EBF1: variants seen among roughly 807,000 people sequenced by gnomAD.
EBF1 encodes EBF transcription factor 1.
EBF1 carries 10 observed loss-of-function variants against 68.4 expected under a neutral mutation model. The ratio of observed to expected loss-of-function variants is 0.15; its 90% CI spans 0.09 to 0.25. The LOEUF (loss-of-function observed/expected upper bound fraction) is 0.25. Ranked by LOEUF, EBF1 falls within the 10% of genes least tolerant of loss-of-function variation. The pLI is 1.00. For synonymous variants in EBF1, 298 were observed against 299.8 expected (o/e 0.99, Z 0.06); for missense variants, 509 against 794.4 (o/e 0.64, Z 4.32).
chr5:158,994,810 G>A (rs1006907575), intron 6 of EBF1, among the ~76,000 whole-genome samples: 4 of 152,166 alleles, frequency 2.6e-5, no homozygotes, highest in Admixed American at 6.5e-5. Context: ...AAAATTCATG[G>A]ATGACTTTTT....
chr5:158,942,458 G>GA (rs200153356), intron 6 of EBF1, among the ~76,000 whole-genome samples: 1 of 152,204 alleles, frequency 6.6e-6, no homozygotes, highest in African/African-American at 2.4e-5. Flanking sequence ...AACCCCATAG[G>GA]AAAAAAACAT....
intron 7 of EBF1, among the ~76,000 whole-genome samples, chr5:158,838,490 C>T (rs987129585): frequency 4.6e-5 from 7 of 151,784 alleles, no homozygotes; most frequent in Non-Finnish European, 7.4e-5. Context: ...GAAACATCCC[C>T]ATTCCTGTGT....
intron 8 of EBF1, among the ~76,000 whole-genome samples, chr5:158,805,959 GT>G (rs1034670150): frequency 6.7e-6 from 1 of 149,578 alleles, no homozygotes; most frequent in East Asian, 1.9e-4. Context: ...AAGGAGGCAT[GT>G]TTTTTTTTGC....
At chr5:158,875,478 C>T (rs144557960) in intron 6 of EBF1, among the ~76,000 whole-genome samples, 1 of 152,284 alleles carries the variant, frequency 6.6e-6, no homozygotes, top group East Asian at 1.9e-4. Flanking sequence ...TCTAATTAGT[C>T]CTTGAGGAAT....
intron 6 of EBF1, among the ~76,000 whole-genome samples, chr5:158,882,777 T>C (rs1344721144): frequency 6.6e-6 from 1 of 152,232 alleles, no homozygotes; most frequent in Non-Finnish European, 1.5e-5. Flanking sequence ...CACAGGGATA[T>C]TCATGGAGCA....
chr5:158,745,452 A>C (rs1227759291), intron 10 of EBF1, among the ~76,000 whole-genome samples: 1 of 152,198 alleles, frequency 6.6e-6, no homozygotes, highest in Admixed American at 6.5e-5. Flanking sequence ...AGCAAGGAAA[A>C]GGTTTGAACC....
Position 158,945,299 on chromosome 5 carries a change from G to C in EBF1, c.555-105189C>G, listed in dbSNP as rs1814406467. 2.0e-5 allele frequency among the ~76,000 whole-genome samples: 3 copies of C among 152,212 alleles called. No homozygotes were observed. The South Asian group carries it at 6.2e-4, about 32-fold the overall frequency. On this transcript the variant is annotated intron_variant, in intron 6 of 15. Coordinates refer to ENST00000313708, the MANE Select transcript of EBF1 (RefSeq NM_024007.5). Reference sequence around the variant, plus strand: ...TCAGTTTTCTGCATACAGCTGGACAGTTTTCCCAACGCCATTTATTAAATA... The same window carrying C: ...TCAGTTTTCTGCATACAGCTGGACACTTTTCCCAACGCCATTTATTAAATA...
chr5:159,024,344 C>G (rs1290056186), intron 6 of EBF1, among the ~76,000 whole-genome samples: 1 of 152,204 alleles, frequency 6.6e-6, no homozygotes, highest in Admixed American at 6.5e-5. Context: ...GATGCTTAGT[C>G]AACACATCTA....
At chr5:158,836,614 A>G (rs1338602943) in intron 7 of EBF1, among the ~76,000 whole-genome samples, 5 of 152,248 alleles carry the variant, frequency 3.3e-5, no homozygotes, top group Non-Finnish European at 2.9e-5. Flanking sequence ...CCATCCTCTA[A>G]TTACACAAAT....
chr5:158,746,323 T>G (rs747863554), intron 10 of EBF1, among the ~76,000 whole-genome samples: 1 of 152,208 alleles, frequency 6.6e-6, no homozygotes, highest in Non-Finnish European at 1.5e-5. Flanking sequence ...GAAGGTTGGT[T>G]AGAAATCAGT....
At chr5:158,972,302 C>T (rs1212450474) in intron 6 of EBF1, among the ~76,000 whole-genome samples, 4 of 152,164 alleles carry the variant, frequency 2.6e-5, no homozygotes, top group Non-Finnish European at 4.4e-5. Context: ...CCATATTACC[C>T]ACGTACTGTC....
chr5:158,712,036 AC>A, intron 14 of EBF1, 117 bp downstream of exon 14: 1 of 1,247,844 alleles, frequency 8.0e-7, no homozygotes, highest in South Asian at 1.4e-5. Context: ...GGAGTGCCTT[AC>A]AGGAGGGAAA....
intron 6 of EBF1, among the ~76,000 whole-genome samples, chr5:158,878,486 A>G (rs1176376099): frequency 1.3e-5 from 2 of 152,218 alleles, no homozygotes; most frequent in East Asian, 1.9e-4. Context: ...GCTAAATGCT[A>G]TGTCTCATTT....
At chr5:158,713,983 A>C in intron 12 of EBF1, 134 bp downstream of exon 12, 2 of 828,380 alleles carry the variant, frequency 2.4e-6, no homozygotes. Flanking sequence ...GCAACATGTT[A>C]TATCTGAATT....
intron 8 of EBF1, among the ~76,000 whole-genome samples, chr5:158,808,620 A>G (rs1312023523): frequency 2.0e-5 from 3 of 152,174 alleles, no homozygotes; most frequent in Admixed American, 6.5e-5. Context: ...GACAATAATT[A>G]TAAGACAGCC....
chr5:158,865,478 G>A (rs1360313613), intron 6 of EBF1, among the ~76,000 whole-genome samples: 1 of 152,164 alleles, frequency 6.6e-6, no homozygotes, highest in Admixed American at 6.5e-5. Flanking sequence ...GAAGTTCCAA[G>A]GGCTGTGGAT....
intron 9 of EBF1, among the ~76,000 whole-genome samples, chr5:158,783,633 T>C (rs969012682): frequency 2.0e-5 from 3 of 152,166 alleles, no homozygotes; most frequent in Middle Eastern, 3.2e-3. Context: ...CATTTTCTCT[T>C]CTCCAGACTC....
At chr5:158,723,849 G>A (rs773868054) in intron 11 of EBF1, among the ~76,000 whole-genome samples, 9 of 152,026 alleles carry the variant, frequency 5.9e-5, no homozygotes, top group Admixed American at 2.6e-4. Context: ...GGGGGTCATC[G>A]GCCTTTTTAC....
chr5:158,925,016 T>C (rs970886177), intron 6 of EBF1, among the ~76,000 whole-genome samples: 1 of 152,154 alleles, frequency 6.6e-6, no homozygotes, highest in African/African-American at 2.4e-5. Flanking sequence ...CTCTTGCCAC[T>C]GTGTGCAGCT....
Sources: gnomAD v4.1 joint callset for allele counts (sites outside exome capture counted in the v4.1 genomes callset) on GRCh38, gnomAD v4.1.1 for gene constraint, MANE v1.5 for transcripts, NCBI Gene and HGNC (gene_info 2026-07-23, HGNC 2026-07-21) for gene names.